Variants in MUC4 observed in about 807,000 individuals in gnomAD.
MUC4 encodes mucin 4, cell surface associated, also known as mucin-4.
Under a neutral mutation model 257.9 loss-of-function variants are expected in MUC4, and 202 were observed. The ratio of observed to expected loss-of-function variants is 0.78; its 90% confidence interval spans 0.70 to 0.88. The LOEUF (loss-of-function observed/expected upper bound fraction) is 0.88. Among genes scored for constraint, MUC4 ranks in the 40% least tolerant of loss-of-function variants. MUC4 has a pLI of 0.00. For missense variants in MUC4, 5,976 were observed against 6,513.7 expected (o/e 0.92, Z 2.84); for synonymous variants, 2,351 against 2,757.1 (o/e 0.85, Z 4.62).
Position 195,757,318 on chromosome 3 carries a change from C to G in MUC4, c.14997G>C (p.Thr4999=). The change falls in exon 18 of 25, where the codon ACG becomes ACC. Residue 4999 remains threonine, a synonymous_variant. Coordinates refer to ENST00000463781, the MANE Select transcript of MUC4 (RefSeq NM_018406.7). The surrounding 1 kb of genome is among the most constrained non-coding windows in gnomAD (Gnocchi z 4.8). ...CTDLELFENG[T]LLWTPKSLEP... ...CCAGCGACTTGGGTGTCCACAGCAA[C>G]GTCCCATTCTCTGCCCCGGGGAAGA... 1 of 1,595,576 alleles carries G rather than the reference C, an allele frequency of 6.3e-7. No homozygotes were observed. The highest frequency in any genetic ancestry group is 8.6e-7 in the Non-Finnish European group (1 of 1,164,586).
At chr3:195,797,859 G>C (rs981503920) in intron 1 of MUC4, among the ~76,000 whole-genome samples, 1 of 152,112 alleles carries the variant, frequency 6.6e-6, no homozygotes, top group African/African-American at 2.4e-5. Context: ...GAATCCCAGT[G>C]CTTTGAGAGG....
rs765738227 is a variant in MUC4, at chr3:195,778,408, T to C, written c.12838A>G (p.Thr4280Ala). 6.2e-7 allele frequency: 1 copy of C among 1,613,036 alleles called. No individual in the cohort carries two copies. Among genetic ancestry groups the C allele is most frequent in the South Asian group, 1.1e-5 (1 of 91,040 alleles). The change falls in exon 3 of 25, where the codon ACA becomes GCA. Residue 4280 changes from threonine (T) to alanine (A), a missense_variant. Around this residue, in one of 44 missense-constraint regions of MUC4, gnomAD observed 233 missense variants for 171.2 expected, o/e 1.36. Transcript: ENST00000463781. ...TGGGAGGTTGTGGGGGGTGGTGATG[T>C]GGCTGTGCGTCTCCCACCGTCTGTC... Reference protein sequence around the residue: ...LKTDGGRRTATSPPPTTSQTI... With the variant: ...LKTDGGRRTAASPPPTTSQTI...
chr3:195,775,112 G>A (rs1052849872), intron 3 of MUC4, among the ~76,000 whole-genome samples: 2 of 151,890 alleles, frequency 1.3e-5, no homozygotes, highest in African/African-American at 4.8e-5. Flanking sequence ...CCGACTCCTT[G>A]GCGCCCTCCC....
intron 17 of MUC4, among the ~76,000 whole-genome samples, chr3:195,758,037 C>G (rs1000381034): frequency 6.6e-6 from 1 of 152,150 alleles, no homozygotes; most frequent in African/African-American, 2.4e-5. Flanking sequence ...CCTTCTGAGA[C>G]ACAGAGAGAA....
intron 23 of MUC4, chr3:195,750,357 A>AGGCCT (rs1490626503): frequency 8.5e-6 from 1 of 117,840 alleles, no homozygotes; most frequent in East Asian, 2.4e-4. Flanking sequence ...GGGGGTGTTG[A>AGGCCT]GGCCTGGCCT....
chr3:195,801,685 C>T (rs964244747), intron 1 of MUC4, among the ~76,000 whole-genome samples: 2 of 152,246 alleles, frequency 1.3e-5, no homozygotes, highest in South Asian at 2.1e-4. Flanking sequence ...TCGCTCAAGC[C>T]GTTTTCCTCA....
In MUC4 at chr3:195,786,485, C is replaced by G; in HGVS notation, c.5095G>C (p.Val1699Leu). ...ATTDDTTRLP[V>L]TDVSSASTGQ... ...GTGGATGCCGAGGAAACGTCGGTGA[C>G]AGGAAGACGGGTGGTGTCATCTGTG... Residue 1699 changes from valine to leucine, a missense_variant, in exon 2 of 25, where the codon GTC becomes CTC. Val to Leu is a conservative substitution (Grantham distance 32). Transcript: ENST00000463781. 1 of 1,525,512 alleles carries G rather than the reference C, an allele frequency of 6.6e-7. No individual in the cohort carries two copies. The allele number at this position is 1,525,512 out of a possible 1,614,324, so 94.5% of individuals were successfully genotyped here.
rs755226844 is a variant in MUC4 at position 195,788,622 on chromosome 3, G to C, written c.2958C>G (p.Ser986=). 3 of 1,248,972 alleles carry C rather than the reference G, an allele frequency of 2.4e-6. No homozygotes were observed. In the East Asian group the frequency reaches 7.2e-5, roughly 30 times the overall value. 77.4% of individuals were successfully genotyped at this position (1,248,972 alleles called of 1,614,324 possible). Reference sequence around the variant, plus strand: ...CATGAAGAGGGGTGGTGTGACCTGTGGATGCCGAGGAAGCGTAGGTGACAG... The same window carrying C: ...CATGAAGAGGGGTGGTGTGACCTGTCGATGCCGAGGAAGCGTAGGTGACAG... ...PLPVTYASSA[S]TGHTTPLHVT... Residue 986 remains serine, a synonymous_variant, in exon 2 of 25, where the codon TCC becomes TCG. Transcript: ENST00000463781.
At chr3:195,775,395 C>T (rs559103103) in intron 3 of MUC4, among the ~76,000 whole-genome samples, 2 of 113,646 alleles carry the variant, frequency 1.8e-5, no homozygotes, top group South Asian at 2.8e-4. Flanking sequence ...CCTTCCACAC[C>T]CATACCTTCC....
intron 3 of MUC4, among the ~76,000 whole-genome samples, chr3:195,775,981 C>T (rs1360384808): frequency 2.1e-5 from 1 of 47,664 alleles, no homozygotes; most frequent in Non-Finnish European, 3.8e-5. Context: ...CTTCCACATC[C>T]ATACCTTCCA....
chr3:195,794,400 G>A (rs1322582042), intron 1 of MUC4, among the ~76,000 whole-genome samples: 1 of 151,660 alleles, frequency 6.6e-6, no homozygotes, highest in African/African-American at 2.4e-5. Context: ...AGAAGAAAGA[G>A]AGAGAGAGAG....
Position 195,762,134 on chromosome 3 carries a change from G to C in MUC4, c.14465C>G (p.Ser4822Cys). 1.2e-6 allele frequency: 2 copies of C among 1,608,244 alleles called. No individual in the cohort carries two copies. Among genetic ancestry groups the C allele is most frequent in the Non-Finnish European group, 8.5e-7 (1 of 1,178,378 alleles). Residue 4822 changes from serine to cysteine, a missense_variant, in exon 14 of 25, where the codon TCC becomes TGC. Ser to Cys is a moderately radical substitution (Grantham distance 112, BLOSUM62 -1). This residue lies in a region of MUC4 where 996 missense variants were observed against 1,137.3 expected (regional missense o/e 0.88). Transcript: ENST00000463781. Reference sequence around the variant, plus strand: ...CTGGTACTCGGGCGGGAGGCTGGCGGAGGCGTGGAGGATGTTGGAGAGCGC... The same window carrying C: ...CTGGTACTCGGGCGGGAGGCTGGCGCAGGCGTGGAGGATGTTGGAGAGCGC... ...VIALSNILHA[S>C]ASLPPEYQNR... is the part of the protein sequence containing the mutation.
chr3:195,752,340 C>T (rs1388835696), intron 21 of MUC4, 33 bp downstream of exon 21: 5 of 1,584,240 alleles, frequency 3.2e-6, no homozygotes, highest in Non-Finnish European at 4.3e-6. Context: ...CCAAGCGCCC[C>T]CTCCCACCCA....
At chr3:195,807,572 A>C (rs1156658731) in intron 1 of MUC4, among the ~76,000 whole-genome samples, 1 of 152,168 alleles carries the variant, frequency 6.6e-6, no homozygotes, top group Non-Finnish European at 1.5e-5. Context: ...AGTTATTTTG[A>C]CTCAATTTCT....
At chr3:195,749,146 G>A (rs1457814412) in intron 23 of MUC4, 82 bp from the exon 24 acceptor site, 23 of 1,526,072 alleles carry the variant, frequency 1.5e-5, no homozygotes, top group African/African-American at 4.1e-5. Context: ...ATTCCTTTTC[G>A]GGTGTTTATC....
chr3:195,748,080 C>G (rs1715478927), intron 24 of MUC4, among the ~76,000 whole-genome samples: 1 of 152,228 alleles, frequency 6.6e-6, no homozygotes, highest in Non-Finnish European at 1.5e-5. Flanking sequence ...GGCGGAGGGC[C>G]CGGAGCCCAG....
chr3:195,789,841 C>T lies in MUC4; in HGVS notation c.1739G>A (p.Ser580Asn). 1 of 1,614,004 alleles carries T rather than the reference C, an allele frequency of 6.2e-7. No homozygotes were observed. Among genetic ancestry groups the T allele is most frequent in the African/African-American group, 1.3e-5 (1 of 75,034 alleles). Reference sequence around the variant, plus strand: ...CTGAGTCACACTGTAGCTTGGGCTGCTGAGAAGAGCCTCTCCAGTGGTCCC... The same window carrying T: ...CTGAGTCACACTGTAGCTTGGGCTGTTGAGAAGAGCCTCTCCAGTGGTCCC... ...ETGTTGEALL[S>N]SPSYSVTQMI... is the part of the protein sequence containing the mutation. Residue 580 changes from serine (S) to asparagine (N), a missense_variant, in exon 2 of 25, where the codon AGC becomes AAC. Coordinates refer to ENST00000463781, the MANE Select transcript of MUC4 (RefSeq NM_018406.7).
rs375642163 is a variant in MUC4, at chr3:195,748,987, C to T, written c.15949G>A (p.Gly5317Ser). Reference protein sequence around the residue: ...GYDLVYSPQSGFTCVSPCSRG... With the variant: ...GYDLVYSPQSSFTCVSPCSRG... Reference sequence around the variant, plus strand: ...CTGCACGGGGACACGCAGGTGAAGCCGCTCTGGGGGCTGTAGACCAGGTCG... The same window carrying T: ...CTGCACGGGGACACGCAGGTGAAGCTGCTCTGGGGGCTGTAGACCAGGTCG... The change falls in exon 24 of 25, where the codon GGC becomes AGC. Residue 5317 changes from glycine (G) to serine (S), a missense_variant. By Grantham distance (56) the Gly-to-Ser change is moderately conservative (BLOSUM62 0). Around this residue, in one of 44 missense-constraint regions of MUC4, gnomAD observed 310 missense variants for 242.1 expected, o/e 1.28. Transcript: ENST00000463781. 67 of 1,609,602 alleles carry T rather than the reference C, an allele frequency of 4.2e-5. No homozygotes were observed. The highest frequency in any genetic ancestry group is 2.3e-5 in the Non-Finnish European group (27 of 1,177,946).
At position 195,754,415 on chromosome 3, in the gene MUC4, T is replaced by A. The variant is rs1299373531; in HGVS notation, c.15169-43A>T. On this transcript the variant is annotated intron_variant, in intron 18 of 24. Coordinates refer to ENST00000463781, the MANE Select transcript of MUC4 (RefSeq NM_018406.7). The stretch of plus-strand genomic sequence containing the variant: ...ATCACGGGCGGCCAGGAGACCAAAC[T>A]GGGAAGGGCTTCTGGGTGTTTCTGA... 4 of 1,571,318 alleles carry A rather than the reference T, an allele frequency of 2.5e-6. No homozygotes were observed. In the East Asian group the frequency reaches 9.1e-5, roughly 36 times the overall value.
Sources: allele counts gnomAD v4.1 joint callset (sites outside exome capture counted in the v4.1 genomes callset), GRCh38; gene constraint gnomAD v4.1.1; regional missense constraint gnomAD v4.1.1; non-coding constraint Gnocchi (gnomAD v3.1); transcripts MANE v1.5; gene names NCBI Gene and HGNC (gene_info 2026-07-23, HGNC 2026-07-21).